Variants in GNAZ observed in about 807,000 individuals in gnomAD.
The protein encoded by GNAZ is guanine nucleotide-binding protein G(z) subunit alpha.
Under a neutral mutation model 25.4 loss-of-function variants are expected in GNAZ, and 3 were observed. The ratio of observed to expected loss-of-function variants is 0.12; its 90% CI spans 0.05 to 0.30. GNAZ has a LOEUF of 0.30. GNAZ is among the 10% of genes least tolerant of loss of function. The pLI is 1.00. For synonymous variants in GNAZ, 211 were observed against 205.7 expected (o/e 1.03, Z -0.22); for missense variants, 241 against 501.8 (o/e 0.48, Z 4.97).
chr22:23,097,373 C>G (rs1404938943), intron 2 of GNAZ, among the ~76,000 whole-genome samples: 1 of 152,218 alleles, frequency 6.6e-6, no homozygotes, highest in Non-Finnish European at 1.5e-5. Flanking sequence ...AGCTTTGGAC[C>G]TGTGCCCCAG....
chr22:23,097,176 TG>T (rs949208364), intron 2 of GNAZ, among the ~76,000 whole-genome samples: 10 of 151,704 alleles, frequency 6.6e-5, no homozygotes, highest in Non-Finnish European at 1.2e-4. Flanking sequence ...ACCCTGGGGA[TG>T]GGGGAGTGGG....
chr22:23,098,776 C>T (rs2069200097), intron 2 of GNAZ, among the ~76,000 whole-genome samples: 3 of 152,394 alleles, frequency 2.0e-5, no homozygotes, highest in South Asian at 4.1e-4. Context: ...TCCCCTCCCG[C>T]GATTCCTCCC....
intron 2 of GNAZ, among the ~76,000 whole-genome samples, chr22:23,098,824 G>A (rs1029957763): frequency 6.6e-6 from 1 of 152,262 alleles, no homozygotes; most frequent in Non-Finnish European, 1.5e-5. Flanking sequence ...CTGGCCCCCA[G>A]AGTGGTGCCG....
At position 23,095,551 on chromosome 22, in the gene GNAZ, A is replaced by G. The variant is rs2069100098; in HGVS notation, c.-145A>G. On this transcript the variant is annotated 5_prime_UTR_variant, in exon 2 of 3. Transcript: ENST00000615612. ...GAAGAGGCGCTGGGGCAGGGGCTGC[A>G]GTGTGGCTCGGCCTCACCCCCCTGC... The G allele has an allele frequency of 1.2e-6, 1 of 839,322 alleles. No individual in the cohort carries two copies. The highest frequency in any genetic ancestry group is 2.7e-5 in the East Asian group (1 of 37,472). The allele number at this position is 839,322 out of a possible 1,614,324, so 52.0% of individuals were successfully genotyped here.
intron 2 of GNAZ, among the ~76,000 whole-genome samples, chr22:23,103,443 T>C (rs760474567): frequency 6.6e-6 from 1 of 152,138 alleles, no homozygotes; most frequent in Non-Finnish European, 1.5e-5. Context: ...CCCGACAGTG[T>C]CCTTGCCTGT....
chr22:23,122,170 T>C (rs2070049858), intron 2 of GNAZ, among the ~76,000 whole-genome samples: 1 of 152,204 alleles, frequency 6.6e-6, no homozygotes, highest in South Asian at 2.1e-4. Flanking sequence ...CTTTTAGAAG[T>C]TAGAATTTAT....
chr22:23,086,808 G>A (rs113860970), intron 1 of GNAZ, among the ~76,000 whole-genome samples: 7 of 152,228 alleles, frequency 4.6e-5, no homozygotes, highest in African/African-American at 1.2e-4. Context: ...CAGCATGACA[G>A]GATTGAAGGC....
chr22:23,074,412 A>G (rs1429430382), intron 1 of GNAZ, among the ~76,000 whole-genome samples: 1 of 152,174 alleles, frequency 6.6e-6, no homozygotes, highest in African/African-American at 2.4e-5. Context: ...AACCAGTAGA[A>G]AGATGGAGCT....
At chr22:23,078,545 C>T (rs2068574326) in intron 1 of GNAZ, among the ~76,000 whole-genome samples, 1 of 152,232 alleles carries the variant, frequency 6.6e-6, no homozygotes, top group African/African-American at 2.4e-5. Context: ...TTTGTCTTGC[C>T]ACGCTGGCTG....
intron 2 of GNAZ, among the ~76,000 whole-genome samples, chr22:23,096,636 G>T (rs541816199): frequency 8.5e-5 from 13 of 152,306 alleles, no homozygotes; most frequent in Admixed American, 7.2e-4. Flanking sequence ...AGTACTCAGG[G>T]TGTGGAGGCC....
chr22:23,112,302 C>T (rs536586220), intron 2 of GNAZ, among the ~76,000 whole-genome samples: 9 of 152,356 alleles, frequency 5.9e-5, no homozygotes, highest in Middle Eastern at 3.4e-3. Flanking sequence ...AGGCATCCTT[C>T]GGCCCCGCCC....
chr22:23,097,519 C>T (rs1460231582), intron 2 of GNAZ, among the ~76,000 whole-genome samples: 2 of 152,214 alleles, frequency 1.3e-5, no homozygotes, highest in East Asian at 1.9e-4. Flanking sequence ...TCAGGGGTCT[C>T]CCTGGAACTG....
At chr22:23,093,458 C>G (rs2069044151) in intron 1 of GNAZ, among the ~76,000 whole-genome samples, 1 of 152,204 alleles carries the variant, frequency 6.6e-6, no homozygotes, top group African/African-American at 2.4e-5. Context: ...CACCCGCACT[C>G]TGGCTGGGGG....
chr22:23,089,811 T>C (rs1321419073), intron 1 of GNAZ, among the ~76,000 whole-genome samples: 1 of 152,094 alleles, frequency 6.6e-6, no homozygotes, highest in African/African-American at 2.4e-5. Context: ...GATCGTGCCT[T>C]AGGAATCTTT....
chr22:23,115,920 C>T (rs578103233), intron 2 of GNAZ, among the ~76,000 whole-genome samples: 10 of 152,366 alleles, frequency 6.6e-5, no homozygotes, highest in Admixed American at 3.3e-4. Context: ...CCCCCTACCC[C>T]CTGGGCCCTG....
chr22:23,087,879 G>A (rs1448347554), intron 1 of GNAZ, among the ~76,000 whole-genome samples: 1 of 152,208 alleles, frequency 6.6e-6, no homozygotes, highest in Admixed American at 6.5e-5. Context: ...AGTTTAGGGA[G>A]GGTCAGAATC....
rs376522272 is a variant in GNAZ, at chr22:23,076,302, G to A, written c.-450+5732G>A. On this transcript the variant is annotated intron_variant, in intron 1 of 2. Coordinates refer to ENST00000615612, the MANE Select transcript of GNAZ (RefSeq NM_002073.4). ...GTGTAAGCTCCATGAGGGCAGGGAC[G>A]TTGCGGAGTCACCATTGAGAATCGC... 1.8e-4 allele frequency among the ~76,000 whole-genome samples: 27 copies of A among 152,310 alleles called. No individual in the cohort carries two copies. In the East Asian group the frequency reaches 4.2e-3, roughly 24 times the overall value.
chr22:23,076,900 G>A (rs2068519906), intron 1 of GNAZ, among the ~76,000 whole-genome samples: 1 of 152,238 alleles, frequency 6.6e-6, no homozygotes, highest in African/African-American at 2.4e-5. Flanking sequence ...AGCTCTGCCT[G>A]TGATGGTGAC....
chr22:23,120,198 C>A (rs994044379), intron 2 of GNAZ, among the ~76,000 whole-genome samples: 1 of 152,148 alleles, frequency 6.6e-6, no homozygotes, highest in Admixed American at 6.5e-5. Flanking sequence ...TGTCCAGGGT[C>A]CCCAAGGTCC....
Sources: gnomAD v4.1 joint callset for allele counts (sites outside exome capture counted in the v4.1 genomes callset) on GRCh38, gnomAD v4.1.1 for gene constraint, MANE v1.5 for transcripts, NCBI Gene and HGNC (gene_info 2026-07-23, HGNC 2026-07-21) for gene names.